HSPA12A: variants seen among roughly 807,000 people sequenced by gnomAD.
HSPA12A encodes heat shock 70 kDa protein 12A.
In HSPA12A, 28 loss-of-function variants were observed where a neutral mutation model predicts 69.2. That is an observed-to-expected ratio of 0.40 (90% CI 0.30 to 0.55). HSPA12A has a LOEUF of 0.55. Ranked by LOEUF, HSPA12A falls within the 20% of genes least tolerant of loss-of-function variation. The pLI is 0.38. For missense variants in HSPA12A, 686 were observed against 900.7 expected (o/e 0.76, Z 3.05); for synonymous variants, 345 against 370.5 (o/e 0.93, Z 0.79).
intron 2 of HSPA12A, chr10:116,830,455 T>C (rs1279222318): frequency 1.3e-5 from 2 of 152,220 alleles, no homozygotes; most frequent in African/African-American, 2.4e-5. Flanking sequence ...TATATGTGTA[T>C]GTATATGCTA....
intron 1 of HSPA12A, among the ~76,000 whole-genome samples, chr10:116,847,043 A>G (rs1002564068): frequency 5.9e-5 from 9 of 152,128 alleles, no homozygotes; most frequent in Non-Finnish European, 8.8e-5. Context: ...TTTGAACTCT[A>G]TGTGGATGTT....
chr10:116,742,669 G>A (rs1233188892), upstream of HSPA12A: 8 of 913,224 alleles, frequency 8.8e-6, no homozygotes, highest in Non-Finnish European at 1.1e-5. Context: ...GCCCCTCCGA[G>A]CTCGGGCCGG....
intron 1 of HSPA12A, among the ~76,000 whole-genome samples, chr10:116,715,617 G>T (rs1554883725): frequency 1.3e-5 from 2 of 152,138 alleles, no homozygotes; most frequent in African/African-American, 4.8e-5. Context: ...GATTCATGAG[G>T]CTTCAGTATA....
chr10:116,792,792 AAAAAG>A (rs1052994453), intron 2 of HSPA12A, among the ~76,000 whole-genome samples: 3 of 151,940 alleles, frequency 2.0e-5, no homozygotes, highest in Non-Finnish European at 2.9e-5. Flanking sequence ...CCCTGTCTCA[AAAAAG>A]AAAAGAAAAG....
chr10:116,757,165 C>T (rs1554888851), intron 2 of HSPA12A, among the ~76,000 whole-genome samples: 1 of 152,204 alleles, frequency 6.6e-6, no homozygotes, highest in African/African-American at 2.4e-5. Context: ...ACCGCTGCCA[C>T]AGTAGGCTTA....
At chr10:116,741,064 G>A (rs1229166997) in intron 1 of HSPA12A, among the ~76,000 whole-genome samples, 3 of 151,498 alleles carry the variant, frequency 2.0e-5, no homozygotes, top group Admixed American at 6.6e-5. Context: ...AGCTGAGGAA[G>A]AGTACAGGCG....
At chr10:116,846,864 C>T (rs1271005504) in intron 1 of HSPA12A, among the ~76,000 whole-genome samples, 2 of 152,150 alleles carry the variant, frequency 1.3e-5, no homozygotes, top group African/African-American at 4.8e-5. Context: ...AAAGTCTCTG[C>T]CCTAGACTTT....
At chr10:116,694,760 G>A (rs781984205) in intron 5 of HSPA12A, among the ~76,000 whole-genome samples, 3 of 152,126 alleles carry the variant, frequency 2.0e-5, no homozygotes, top group African/African-American at 2.4e-5. Flanking sequence ...GCCACCAGGC[G>A]CTGAGCCTGT....
intron 2 of HSPA12A, among the ~76,000 whole-genome samples, chr10:116,828,192 C>A (rs567963155): frequency 6.6e-6 from 1 of 152,254 alleles, no homozygotes; most frequent in African/African-American, 2.4e-5. Context: ...TTAAAAAGTT[C>A]ATTTCCAAAT....
chr10:116,831,320 G>A (rs1370880406), intron 2 of HSPA12A: 2 of 152,198 alleles, frequency 1.3e-5, no homozygotes, highest in Non-Finnish European at 1.5e-5. Flanking sequence ...TGATGACATG[G>A]GGTTGAATCT....
At chr10:116,793,601 C>A (rs1188437111) in intron 2 of HSPA12A, among the ~76,000 whole-genome samples, 2 of 151,466 alleles carry the variant, frequency 1.3e-5, no homozygotes, top group Non-Finnish European at 1.5e-5. Context: ...CAAAAAAAAC[C>A]CACAGAATTA....
chr10:116,821,782 C>T (rs1045975014), intron 2 of HSPA12A, among the ~76,000 whole-genome samples: 1 of 152,218 alleles, frequency 6.6e-6, no homozygotes, highest in East Asian at 1.9e-4. Context: ...AAGTCACCAT[C>T]TACCACAGTG....
chr10:116,717,364 C>T (rs1449303279), intron 1 of HSPA12A, among the ~76,000 whole-genome samples: 4 of 152,216 alleles, frequency 2.6e-5, no homozygotes, highest in African/African-American at 9.6e-5. Context: ...TCAGGAGTCA[C>T]CATCACAGGG....
chr10:116,821,979 T>C lies in HSPA12A; in HGVS notation c.91+12956A>G, dbSNP rs141581580. Among the ~76,000 whole-genome samples, 3 of 152,378 alleles carry C rather than the reference T, an allele frequency of 2.0e-5. No individual in the cohort carries two copies. The East Asian group carries it at 5.8e-4, about 29-fold the overall frequency. On this transcript the variant is annotated intron_variant, in intron 2 of 12. Coordinates refer to the HSPA12A transcript ENST00000635765. ...GGAATCCGAATTAAATGAGATAATA[T>C]GAAACCACAAATGTGATTTAAAAGA... is the stretch of plus-strand genomic sequence containing the variant.
chr10:116,763,993 G>C (rs782218918), intron 2 of HSPA12A, among the ~76,000 whole-genome samples: 21 of 152,018 alleles, frequency 1.4e-4, no homozygotes, highest in Admixed American at 3.9e-4. Context: ...TGCAACCTTT[G>C]GGGGGGTGTT....
Position 116,686,911 on chromosome 10 carries a change from GC to G in HSPA12A, c.664-2950del, listed in dbSNP as rs1554879607. Among the ~76,000 whole-genome samples the G allele has an allele frequency of 6.7e-6, 1 of 150,084 alleles. No homozygotes were observed. The highest frequency in any genetic ancestry group is 2.0e-4 in the East Asian group (1 of 5,068). ...TCCCTCTTCCCACACTGTAAGCTCT[GC>G]CCCCATCTCTCTACCCACACTACCC... On this transcript the variant is annotated intron_variant, in intron 6 of 11. Coordinates refer to ENST00000369209, the MANE Select transcript of HSPA12A (RefSeq NM_025015.3). The surrounding 1 kb of genome is among the most constrained non-coding windows in gnomAD (Gnocchi z 4.1).
intron 1 of HSPA12A, among the ~76,000 whole-genome samples, chr10:116,846,595 G>A (rs1000658197): frequency 5.3e-5 from 8 of 152,062 alleles, no homozygotes; most frequent in African/African-American, 9.7e-5. Context: ...TGATCCGCCC[G>A]CCTCGGCTTC....
At chr10:116,817,974 A>C (rs928605487) in intron 2 of HSPA12A, among the ~76,000 whole-genome samples, 3 of 151,112 alleles carry the variant, frequency 2.0e-5, no homozygotes, top group Non-Finnish European at 4.4e-5. Flanking sequence ...TTACAATGAC[A>C]CTCTCCCCTC....
In HSPA12A at chr10:116,674,644, C is replaced by T. The variant is rs1316553140; in HGVS notation, c.*137G>A. 2 of 826,890 alleles carry T rather than the reference C, an allele frequency of 2.4e-6. No homozygotes were observed. The highest frequency in any genetic ancestry group is 3.7e-6 in the Non-Finnish European group (2 of 535,260). 51.2% of individuals were successfully genotyped at this position (826,890 alleles called of 1,614,324 possible). A position where few individuals can be genotyped will look rare whatever the true frequency, so the allele number is the denominator to read the frequency against. On this transcript the variant is annotated 3_prime_UTR_variant, in exon 12 of 12. Coordinates refer to ENST00000369209, the MANE Select transcript of HSPA12A (RefSeq NM_025015.3). The stretch of plus-strand genomic sequence containing the variant: ...TCAAAAGTCACTAATTATTTCTAGC[C>T]CTGATTGTTCTCATCTTCCCTGCTG...
Sources: gnomAD v4.1 joint callset for allele counts (sites outside exome capture counted in the v4.1 genomes callset) on GRCh38, gnomAD v4.1.1 for gene constraint, Gnocchi (gnomAD v3.1) non-coding constraint, MANE v1.5 for transcripts, NCBI Gene and HGNC (gene_info 2026-07-23, HGNC 2026-07-21) for gene names.